Variants in ELFN1 observed in about 807,000 individuals in gnomAD.
ELFN1 encodes protein ELFN1.
In ELFN1, 6 loss-of-function variants were observed where a neutral mutation model predicts 7.6. That is an observed-to-expected ratio of 0.79 (90% confidence interval 0.43 to 1.56). The LOEUF (loss-of-function observed/expected upper bound fraction) is 1.56. ELFN1 is among the 40% of genes most tolerant of loss of function. The probability of loss-of-function intolerance (pLI) is 0.01; values close to 1 mark genes in which losing one functional copy is unlikely to be tolerated. For missense variants in ELFN1, 1,169 were observed against 1,232.2 expected (o/e 0.95, Z 0.77); for synonymous variants, 657 against 588.1 (o/e 1.12, Z -1.70).
chr7:1,696,175 A>AGTGTGTGTGTGT (rs140207256), intron 2 of ELFN1, among the ~76,000 whole-genome samples: 22 of 148,088 alleles, frequency 1.5e-4, no homozygotes, highest in African/African-American at 5.5e-4. Flanking sequence ...AGAGAGAGAG[A>AGTGTGTGTGTGT]GTGTGTGTGT....
intron 3 of ELFN1, among the ~76,000 whole-genome samples, chr7:1,743,325 G>A (rs542475084): frequency 3.0e-4 from 45 of 152,336 alleles, no homozygotes; most frequent in African/African-American, 6.7e-4. Flanking sequence ...GTATGGTGGT[G>A]GGGAGGATGG....
rs780670586 is a variant in ELFN1, at chr7:1,744,929, G to A, written c.333G>A (p.Gln111=). 7.7e-6 allele frequency: 12 copies of A among 1,552,400 alleles called. No homozygotes were observed. The highest frequency in any genetic ancestry group is 1.0e-5 in the Non-Finnish European group (12 of 1,147,472). The change falls in exon 4 of 4, where the codon CAG becomes CAA. Residue 111 remains glutamine (Q), a synonymous_variant. Transcript: ENST00000424383. The stretch of plus-strand genomic sequence containing the variant: ...CCTTCTCGGGCCAGTTCAACCTGCA[G>A]GTGCTGCAGCTGGGCTACAACCGGC... ...DGAFSGQFNL[Q]VLQLGYNRLR...
At chr7:1,669,835 T>C (rs1778726733), upstream of ELFN1, among the ~76,000 whole-genome samples, 3 of 151,858 alleles carry the variant, frequency 2.0e-5, no homozygotes, top group South Asian at 4.1e-4. Context: ...GCGGGTAGCT[T>C]GTTCAGCCAA....
chr7:1,743,416 T>C (rs1017284117), intron 3 of ELFN1, among the ~76,000 whole-genome samples: 6 of 151,974 alleles, frequency 3.9e-5, no homozygotes, highest in African/African-American at 1.5e-4. Flanking sequence ...GCCTGGAAAT[T>C]CTCCGCAGAG....
At chr7:1,731,138 ACT>A (rs1241331361) in intron 3 of ELFN1, among the ~76,000 whole-genome samples, 2 of 152,092 alleles carry the variant, frequency 1.3e-5, no homozygotes, top group Non-Finnish European at 2.9e-5. Context: ...ATTATGAAAA[ACT>A]CTCTAAAGTT....
chr7:1,743,520 C>T (rs1313695367), intron 3 of ELFN1, among the ~76,000 whole-genome samples: 1 of 152,178 alleles, frequency 6.6e-6, no homozygotes, highest in East Asian at 1.9e-4. Context: ...TAGACGCCCT[C>T]AGAGACCATC....
intron 2 of ELFN1, among the ~76,000 whole-genome samples, chr7:1,707,604 G>T (rs1182108906): frequency 1.3e-5 from 2 of 152,226 alleles, no homozygotes; most frequent in Non-Finnish European, 2.9e-5. Context: ...CAGAGCGGGT[G>T]TGGGCCTGGA....
intron 2 of ELFN1, among the ~76,000 whole-genome samples, chr7:1,689,176 G>T (rs775700521): frequency 1.3e-5 from 2 of 152,204 alleles, no homozygotes; most frequent in African/African-American, 4.8e-5. Flanking sequence ...CTTATAGTTT[G>T]TTCTTTTCTG....
At chr7:1,734,352 C>T (rs552801871) in intron 3 of ELFN1, among the ~76,000 whole-genome samples, 10 of 152,338 alleles carry the variant, frequency 6.6e-5, no homozygotes, top group Non-Finnish European at 1.0e-4. Flanking sequence ...CTCCCTCCAA[C>T]GGCGCCACAC....
Position 1,713,836 on chromosome 7 carries a change from A to G in ELFN1, c.-294+4584A>G, listed in dbSNP as rs528879993. Among the ~76,000 whole-genome samples the G allele has an allele frequency of 8.5e-5, 13 of 152,116 alleles. No individual in the cohort carries two copies. The South Asian group carries it at 2.7e-3, about 32-fold the overall frequency. On this transcript the variant is annotated intron_variant, in intron 3 of 3. Transcript: ENST00000424383. ...CGACTCGCCCAAGGCCACCTCGCCA[A>G]TCCCCGCACCCTGCGTGCCACTCCC...
intron 2 of ELFN1, among the ~76,000 whole-genome samples, chr7:1,699,515 C>T (rs1284105109): frequency 6.6e-6 from 1 of 152,138 alleles, no homozygotes; most frequent in Non-Finnish European, 1.5e-5. Context: ...GTGACACATA[C>T]CTGTGGGCGC....
chr7:1,698,860 TCA>T (rs1779369260), intron 2 of ELFN1, among the ~76,000 whole-genome samples: 1 of 152,168 alleles, frequency 6.6e-6, no homozygotes. Context: ...TAATGAATTT[TCA>T]CAAGCACCCC....
Position 1,747,279 on chromosome 7 carries a change from T to G in ELFN1, c.*196T>G. The G allele has an allele frequency of 2.2e-6, 1 of 460,594 alleles. No individual in the cohort carries two copies. Among genetic ancestry groups the G allele is most frequent in the East Asian group, 4.3e-5 (1 of 23,390 alleles). 28.5% of individuals were successfully genotyped at this position (460,594 alleles called of 1,614,324 possible). A position where few individuals can be genotyped will look rare whatever the true frequency, so the allele number is the denominator to read the frequency against. On this transcript the variant is annotated 3_prime_UTR_variant, in exon 4 of 4. Coordinates refer to ENST00000424383, the MANE Select transcript of ELFN1 (RefSeq NM_001128636.4). ...TCCTGTGGCCGGTCCTGGGATGCGC[T>G]TGTCGCCCCGGGTGGCACGTGTCCA...
At chr7:1,668,330 C>T (rs1778702728), upstream of ELFN1, among the ~76,000 whole-genome samples, 1 of 152,252 alleles carries the variant, frequency 6.6e-6, no homozygotes, top group African/African-American at 2.4e-5. Context: ...CGGGCAGGCG[C>T]CCAGCACAGC....
intron 2 of ELFN1, chr7:1,693,566 C>G (rs1157880925): frequency 2.1e-6 from 1 of 471,222 alleles, no homozygotes; most frequent in Admixed American, 2.3e-5. Flanking sequence ...CGTAGCCTTG[C>G]TGGGTGTGTG....
chr7:1,691,455 T>C (rs930430945), intron 2 of ELFN1, among the ~76,000 whole-genome samples: 6 of 152,180 alleles, frequency 3.9e-5, no homozygotes, highest in East Asian at 3.9e-4. Context: ...CCCTGAGATA[T>C]TCGGTTGGGT....
chr7:1,719,308 CCAACAGGACCCAAG>C (rs1281531377), intron 3 of ELFN1, among the ~76,000 whole-genome samples: 22 of 130,380 alleles, frequency 1.7e-4, no homozygotes, highest in African/African-American at 6.9e-4. Flanking sequence ...GCCCCGCCCA[CCAACAGGACCCAAG>C]CCACCAACAG....
chr7:1,735,797 G>T lies in ELFN1; in HGVS notation c.-293-8507G>T, dbSNP rs889559786. Reference sequence around the variant, plus strand: ...ACTGAGGAGGAAATGAGTGTCTACTGGGCACCCCCTTGTACCCAGCATCAT... The same window carrying T: ...ACTGAGGAGGAAATGAGTGTCTACTTGGCACCCCCTTGTACCCAGCATCAT... On this transcript the variant is annotated intron_variant, in intron 3 of 3. Coordinates refer to ENST00000424383, the MANE Select transcript of ELFN1 (RefSeq NM_001128636.4). The surrounding 1 kb of genome is among the most constrained non-coding windows in gnomAD (Gnocchi z 5.9). Among the ~76,000 whole-genome samples the T allele has an allele frequency of 1.3e-5, 2 of 152,100 alleles. No homozygotes were observed. Among genetic ancestry groups the T allele is most frequent in the African/African-American group, 4.8e-5 (2 of 41,414 alleles).
In ELFN1 at chr7:1,670,381, G is replaced by T. The variant is rs1321819180; in HGVS notation, c.-549+27G>T. Among the ~76,000 whole-genome samples, 1 of 151,552 alleles carries T rather than the reference G, an allele frequency of 6.6e-6. No individual in the cohort carries two copies. Among genetic ancestry groups the T allele is most frequent in the East Asian group, 2.0e-4 (1 of 5,114 alleles). ...TAAGCGGCGAGCGCGGCCGGGCGCT[G>T]AACCTGGGGGACTTGGGACCCGGAC... On this transcript the variant is annotated intron_variant, in intron 1 of 3. Transcript: ENST00000424383. This position sits in a 1 kb window ranked among gnomAD's most constrained non-coding sequence, Gnocchi z 6.4.
Sources: allele counts gnomAD v4.1 joint callset (sites outside exome capture counted in the v4.1 genomes callset), GRCh38; gene constraint gnomAD v4.1.1; non-coding constraint Gnocchi (gnomAD v3.1); transcripts MANE v1.5; gene names NCBI Gene and HGNC (gene_info 2026-07-23, HGNC 2026-07-21).